The following NIPAL2 variants were observed in gnomAD, a reference collection of about 807,000 sequenced individuals.
NIPAL2 encodes NIPA-like protein 2.
In NIPAL2, 43 loss-of-function variants were observed where a neutral mutation model predicts 48.9. That is an observed-to-expected ratio of 0.88 (90% CI 0.69 to 1.13). NIPAL2 has a LOEUF of 1.13. Among genes scored for constraint, NIPAL2 ranks in the 50% most tolerant of loss-of-function variants. The pLI is 0.00. For synonymous variants in NIPAL2, 167 were observed against 174.6 expected (o/e 0.96, Z 0.34); for missense variants, 446 against 461.4 (o/e 0.97, Z 0.31).
At chr8:98,211,415 C>T (rs1250826221) in intron 6 of NIPAL2, among the ~76,000 whole-genome samples, 1 of 152,218 alleles carries the variant, frequency 6.6e-6, no homozygotes, top group East Asian at 1.9e-4. Flanking sequence ...CTATAGCATA[C>T]CTGAATATAG....
chr8:98,229,281 A>G (rs1211737822), intron 4 of NIPAL2, among the ~76,000 whole-genome samples: 2 of 152,248 alleles, frequency 1.3e-5, no homozygotes, highest in East Asian at 1.9e-4. Context: ...TATAAACTTG[A>G]TATTTGTGCA....
chr8:98,291,188 A>G (rs189595006), intron 1 of NIPAL2, among the ~76,000 whole-genome samples: 1 of 152,274 alleles, frequency 6.6e-6, no homozygotes, highest in African/African-American at 2.4e-5. Flanking sequence ...ACCCATGACT[A>G]TATCCAAGAC....
Position 98,203,140 on chromosome 8 carries a change from T to C in NIPAL2, c.848A>G (p.His283Arg), listed in dbSNP as rs1310881890. ...YNTTTVVPVN[H>R]IFFTISAIIA... ...GATGGCACTGATTGTAAAGAAAATA[T>C]GATTAACTGGCACCACTGTTGTCGT... Residue 283 changes from histidine (H) to arginine (R), a missense_variant, in exon 8 of 11, where the codon CAT becomes CGT. Coordinates refer to ENST00000430223, the MANE Select transcript of NIPAL2 (RefSeq NM_001321635.2). The C allele has an allele frequency of 6.2e-7, 1 of 1,614,044 alleles. No homozygotes were observed. Among genetic ancestry groups the C allele is most frequent in the East Asian group, 2.2e-5 (1 of 44,890 alleles).
intron 1 of NIPAL2, among the ~76,000 whole-genome samples, chr8:98,274,378 G>T (rs1815339098): frequency 6.6e-6 from 1 of 151,740 alleles, no homozygotes. Flanking sequence ...TTGTCTATCA[G>T]TTGCCAAGTG....
chr8:98,204,469 A>G (rs1810937323), intron 7 of NIPAL2, among the ~76,000 whole-genome samples: 2 of 152,144 alleles, frequency 1.3e-5, no homozygotes, highest in Admixed American at 1.3e-4. Context: ...CCAGCAGGCA[A>G]AGGCACAATC....
chr8:98,226,546 A>C (rs1812180909), intron 4 of NIPAL2, among the ~76,000 whole-genome samples: 1 of 151,556 alleles, frequency 6.6e-6, no homozygotes, highest in Admixed American at 6.6e-5. Context: ...ACAGGCAGAG[A>C]CTCTTGTTCT....
chr8:98,255,469 A>G (rs112275787), intron 1 of NIPAL2, among the ~76,000 whole-genome samples: 2 of 152,330 alleles, frequency 1.3e-5, no homozygotes, highest in African/African-American at 4.8e-5. Flanking sequence ...GAGCTTTATT[A>G]TATGTGATTT....
At chr8:98,282,807 A>G (rs1434155430) in intron 1 of NIPAL2, among the ~76,000 whole-genome samples, 1 of 152,244 alleles carries the variant, frequency 6.6e-6, no homozygotes, top group Non-Finnish European at 1.5e-5. Flanking sequence ...TTGTTCTTGT[A>G]GATAATTGAG....
At chr8:98,285,028 C>T (rs1227794326) in intron 1 of NIPAL2, among the ~76,000 whole-genome samples, 1 of 152,204 alleles carries the variant, frequency 6.6e-6, no homozygotes. Flanking sequence ...GAAATAGTCA[C>T]TGCTTAGGGA....
intron 1 of NIPAL2, among the ~76,000 whole-genome samples, chr8:98,274,325 C>T (rs1270020460): frequency 1.3e-5 from 2 of 151,942 alleles, no homozygotes; most frequent in Non-Finnish European, 2.9e-5. Context: ...TCCATTAATA[C>T]ATTGCTCAAA....
At chr8:98,241,897 G>A (rs935409688) in intron 3 of NIPAL2, among the ~76,000 whole-genome samples, 8 of 152,134 alleles carry the variant, frequency 5.3e-5, no homozygotes, top group African/African-American at 1.4e-4. Context: ...AGATAAAAAA[G>A]CTGAGGCTTG....
At position 98,231,432 on chromosome 8, in the gene NIPAL2, T is replaced by C. The variant is rs139368506; in HGVS notation, c.436+4723A>G. 2.1e-3 allele frequency among the ~76,000 whole-genome samples: 322 copies of C among 152,320 alleles called. 1 individual carries two copies. The highest frequency in any genetic ancestry group is 7.2e-3 in the African/African-American group (299 of 41,570). On this transcript the variant is annotated intron_variant, in intron 4 of 10. Coordinates refer to ENST00000430223, the MANE Select transcript of NIPAL2 (RefSeq NM_001321635.2). ...GAAGGAAATGGCCCTCCTCTCACTG[T>C]TAATCTCCTGATATTCTATTTAGGC...
intron 3 of NIPAL2, among the ~76,000 whole-genome samples, chr8:98,242,951 G>C (rs190346549): frequency 6.6e-6 from 1 of 151,980 alleles, no homozygotes; most frequent in Non-Finnish European, 1.5e-5. Flanking sequence ...TAAAAATTAC[G>C]TTAAAAAATA....
chr8:98,261,246 T>C (rs1270652841), intron 1 of NIPAL2, among the ~76,000 whole-genome samples: 1 of 150,180 alleles, frequency 6.7e-6, no homozygotes, highest in Non-Finnish European at 1.5e-5. Flanking sequence ...GGAACGCAGT[T>C]CCTCACCAGC....
chr8:98,292,325 T>C (rs1463335442), intron 1 of NIPAL2, among the ~76,000 whole-genome samples: 1 of 152,232 alleles, frequency 6.6e-6, no homozygotes, highest in East Asian at 1.9e-4. Context: ...AGTAAACTTT[T>C]TAAAAATTAA....
chr8:98,203,871 T>TGC (rs1810913144), intron 7 of NIPAL2, among the ~76,000 whole-genome samples: 1 of 152,078 alleles, frequency 6.6e-6, no homozygotes, highest in South Asian at 2.1e-4. Context: ...TGTGTGTGTG[T>TGC]GTGTGTGTAC....
intron 4 of NIPAL2, among the ~76,000 whole-genome samples, chr8:98,229,597 C>T (rs777909225): frequency 6.6e-6 from 1 of 152,106 alleles, no homozygotes; most frequent in Non-Finnish European, 1.5e-5. Flanking sequence ...AGGCTGGTCT[C>T]GAACTCCTGG....
chr8:98,275,630 C>CTGGTTTGTG (rs1815414802), intron 1 of NIPAL2, among the ~76,000 whole-genome samples: 1 of 152,296 alleles, frequency 6.6e-6, no homozygotes, highest in South Asian at 2.1e-4. Flanking sequence ...AGTGTAATTG[C>CTGGTTTGTG]TGGTTTGTGT....
intron 3 of NIPAL2, 78 bp from the exon 4 acceptor site, chr8:98,236,292 C>A: frequency 1.0e-6 from 1 of 978,658 alleles, no homozygotes; most frequent in Non-Finnish European, 1.6e-6. Flanking sequence ...AGAAGTTAAG[C>A]AATTTGTGCC....
Sources: allele counts gnomAD v4.1 joint callset (sites outside exome capture counted in the v4.1 genomes callset), GRCh38; gene constraint gnomAD v4.1.1; transcripts MANE v1.5; gene names NCBI Gene and HGNC (gene_info 2026-07-23, HGNC 2026-07-21).